EDIL3: variants seen among roughly 807,000 people sequenced by gnomAD.
EDIL3 encodes EGF like and discoidin domains 3.
A neutral mutation model predicts 67.4 loss-of-function variants in EDIL3; 37 were observed. The ratio of observed to expected loss-of-function variants is 0.55; its 90% CI spans 0.42 to 0.72. The LOEUF is 0.72. Among genes scored for constraint, EDIL3 ranks in the 30% least tolerant of loss-of-function variants. EDIL3 has a pLI of 0.00. For missense variants in EDIL3, 527 were observed against 586.3 expected, an observed-to-expected ratio of 0.90 and a Z score of 1.04; for synonymous variants, 195 against 196.3, an observed-to-expected ratio of 0.99 and a Z score of 0.05.
intron 1 of EDIL3, among the ~76,000 whole-genome samples, chr5:84,368,564 T>A (rs1747784528): frequency 6.6e-6 from 1 of 152,104 alleles, no homozygotes; most frequent in Non-Finnish European, 1.5e-5. Context: ...CAACATTAGA[T>A]TTGGCAATGA....
intron 4 of EDIL3, among the ~76,000 whole-genome samples, chr5:84,164,593 G>A (rs1194179773): frequency 1.3e-5 from 2 of 152,026 alleles, no homozygotes; most frequent in Non-Finnish European, 2.9e-5. Flanking sequence ...GCAATTCACC[G>A]TGGTGTTCTC....
chr5:84,371,341 A>ATATATATATATGTG (rs1008172581), intron 1 of EDIL3, among the ~76,000 whole-genome samples: 5 of 129,700 alleles, frequency 3.9e-5, no homozygotes, highest in Non-Finnish European at 3.4e-5. Context: ...ATATATATAT[A>ATATATATATATGTG]TGTGTGTGTG....
At chr5:84,294,591 A>C (rs544801149) in intron 1 of EDIL3, among the ~76,000 whole-genome samples, 1 of 152,128 alleles carries the variant, frequency 6.6e-6, no homozygotes, top group South Asian at 2.1e-4. Context: ...TATCACACTC[A>C]AGAATTATAC....
At chr5:84,370,532 C>T (rs1395547101) in intron 1 of EDIL3, among the ~76,000 whole-genome samples, 1 of 152,190 alleles carries the variant, frequency 6.6e-6, no homozygotes, top group Non-Finnish European at 1.5e-5. Context: ...AAAAACACCA[C>T]TAAGTACTTT....
intron 1 of EDIL3, among the ~76,000 whole-genome samples, chr5:84,360,922 T>A (rs1747584500): frequency 6.6e-6 from 1 of 152,160 alleles, no homozygotes. Flanking sequence ...GAATGTCTTA[T>A]AATTATATAG....
At chr5:83,990,485 C>CAAAAAA (rs555170904) in intron 9 of EDIL3, among the ~76,000 whole-genome samples, 1 of 99,272 alleles carries the variant, frequency 1.0e-5, no homozygotes. Context: ...GACTCCATCA[C>CAAAAAA]AAAAAAAAAA....
At chr5:84,355,056 T>G (rs1394868621) in intron 1 of EDIL3, among the ~76,000 whole-genome samples, 1 of 152,206 alleles carries the variant, frequency 6.6e-6, no homozygotes. Context: ...GAAGATCTCC[T>G]GGATAATATC....
chr5:84,298,538 T>C (rs1309564779), intron 1 of EDIL3, among the ~76,000 whole-genome samples: 1 of 152,126 alleles, frequency 6.6e-6, no homozygotes. Flanking sequence ...ACCAAGGTGA[T>C]AGGTTGATAG....
intron 9 of EDIL3, among the ~76,000 whole-genome samples, chr5:83,970,155 A>C (rs1744765865): frequency 6.6e-6 from 1 of 151,224 alleles, no homozygotes; most frequent in Admixed American, 6.6e-5. Context: ...AACTTTCTGT[A>C]TATTTTTGAC....
intron 9 of EDIL3, among the ~76,000 whole-genome samples, chr5:83,981,217 T>G (rs1561392674): frequency 6.6e-6 from 1 of 152,062 alleles, no homozygotes; most frequent in African/African-American, 2.4e-5. Flanking sequence ...GTTTGAGGAT[T>G]CCTACTTTTT....
At chr5:84,001,278 A>G (rs991565048) in intron 9 of EDIL3, among the ~76,000 whole-genome samples, 1 of 152,044 alleles carries the variant, frequency 6.6e-6, no homozygotes, top group African/African-American at 2.4e-5. Flanking sequence ...CAAACTTCAG[A>G]CCTCAGGTGA....
intron 1 of EDIL3, among the ~76,000 whole-genome samples, chr5:84,384,056 C>T (rs1241943852): frequency 6.6e-6 from 1 of 152,110 alleles, no homozygotes; most frequent in Non-Finnish European, 1.5e-5. Flanking sequence ...TTCTACCGCT[C>T]CCCACCGTCC....
At chr5:84,242,762 C>A (rs1744823169) in intron 2 of EDIL3, among the ~76,000 whole-genome samples, 1 of 145,110 alleles carries the variant, frequency 6.9e-6, no homozygotes. Context: ...TGCATCATTG[C>A]ACTCCAGCAT....
intron 9 of EDIL3, 101 bp downstream of exon 9, chr5:84,060,199 A>C: frequency 3.7e-6 from 5 of 1,360,908 alleles, no homozygotes; most frequent in Non-Finnish European, 5.0e-6. Flanking sequence ...AGGCACATTT[A>C]AATTAGCGTG....
At chr5:84,357,706 T>C (rs115248246) in intron 1 of EDIL3, among the ~76,000 whole-genome samples, 2,169 of 152,110 alleles carry the variant, frequency 0.014, 61 homozygotes, top group African/African-American at 0.05. Context: ...CTGGATGGCA[T>C]GGTGAAACCC....
At chr5:84,173,515 C>T (rs1002500090) in intron 4 of EDIL3, among the ~76,000 whole-genome samples, 2 of 152,110 alleles carry the variant, frequency 1.3e-5, no homozygotes, top group African/African-American at 4.8e-5. Context: ...CAGCGCACCA[C>T]AATATGGGAC....
chr5:84,335,258 C>G (rs548595415), intron 1 of EDIL3, among the ~76,000 whole-genome samples: 5 of 152,228 alleles, frequency 3.3e-5, no homozygotes, highest in Admixed American at 6.5e-5. Flanking sequence ...CAAACTGTTA[C>G]AAGTTTTCCC....
intron 6 of EDIL3, among the ~76,000 whole-genome samples, chr5:84,096,164 C>A (rs1400493180): frequency 6.6e-6 from 1 of 152,170 alleles, no homozygotes; most frequent in Non-Finnish European, 1.5e-5. Context: ...TAAGAGCCCC[C>A]ACACAGAGTC....
chr5:84,310,721 C>T lies in EDIL3; in HGVS notation c.68-56509G>A, dbSNP rs73769797. Among the ~76,000 whole-genome samples, 700 of 152,278 alleles carry T rather than the reference C, an allele frequency of 4.6e-3. 4 individuals carry two copies. Among genetic ancestry groups the T allele is most frequent in the African/African-American group, 0.016 (668 of 41,556 alleles). Reference sequence around the variant, plus strand: ...ATTTTTTAAAATAGATATACACACCCAAACCTCACTTTGGTTGAGTTATAA... The same window carrying T: ...ATTTTTTAAAATAGATATACACACCTAAACCTCACTTTGGTTGAGTTATAA... On this transcript the variant is annotated intron_variant, in intron 1 of 10. Transcript: ENST00000296591.
Sources: allele counts gnomAD v4.1 joint callset (sites outside exome capture counted in the v4.1 genomes callset), GRCh38; gene constraint gnomAD v4.1.1; transcripts MANE v1.5; gene names NCBI Gene and HGNC (gene_info 2026-07-23, HGNC 2026-07-21).